The following LRRC58 variants were observed in gnomAD, a reference collection of about 807,000 sequenced individuals.
LRRC58 encodes the protein leucine rich repeat containing 58.
Under a neutral mutation model 30.6 loss-of-function variants are expected in LRRC58, and 18 were observed. The ratio of observed to expected loss-of-function variants is 0.59; its 90% CI spans 0.41 to 0.87. The LOEUF is 0.87. Among genes scored for constraint, LRRC58 ranks in the 40% least tolerant of loss-of-function variants. The pLI, the probability that LRRC58 is intolerant of heterozygous loss-of-function variation, is 0.00. For missense variants in LRRC58, 420 were observed against 468.4 expected (o/e 0.90, Z 0.95); for synonymous variants, 221 against 206.0 (o/e 1.07, Z -0.62).
intron 1 of LRRC58, among the ~76,000 whole-genome samples, chr3:120,340,787 C>G (rs542255177): frequency 1.3e-5 from 2 of 152,126 alleles, no homozygotes; most frequent in African/African-American, 4.8e-5. Context: ...ATCCCAGCTA[C>G]TCAGGAGGCT....
Position 120,349,245 on chromosome 3 carries a change from C to T in LRRC58, c.-2G>A, listed in dbSNP as rs1303720686. 7.3e-6 allele frequency: 10 copies of T among 1,368,792 alleles called. No individual in the cohort carries two copies. The highest frequency in any genetic ancestry group is 8.4e-6 in the Non-Finnish European group (9 of 1,068,466). 84.8% of individuals were successfully genotyped at this position (1,368,792 alleles called of 1,614,324 possible). A position where few individuals can be genotyped will look rare whatever the true frequency, so the allele number is the denominator to read the frequency against. ...CACCGCTGCTCCGGCCTCCTCCATC[C>T]TGGCCACCGCACGGCGCGTGGCGCC... is the stretch of plus-strand genomic sequence containing the variant. On this transcript the variant is annotated 5_prime_UTR_variant, in exon 1 of 4. Coordinates refer to ENST00000295628, the MANE Select transcript of LRRC58 (RefSeq NM_001099678.2).
In LRRC58 at chr3:120,324,884, T is replaced by C. The variant is rs1211467461; in HGVS notation, c.*6316A>G. 6.6e-6 allele frequency: 1 copy of C among 152,194 alleles called. No individual in the cohort carries two copies. The highest frequency in any genetic ancestry group is 1.5e-5 in the Non-Finnish European group (1 of 68,020). 9.4% of individuals were successfully genotyped at this position (152,194 alleles called of 1,614,324 possible). On this transcript the variant is annotated 3_prime_UTR_variant, in exon 4 of 4. Coordinates refer to ENST00000295628, the MANE Select transcript of LRRC58 (RefSeq NM_001099678.2). ...CCATTAAGTTTTACTTATTTATCTA[T>C]AGATGTAGATATTCCTAATTTGCAA...
intron 3 of LRRC58, among the ~76,000 whole-genome samples, chr3:120,332,610 A>T (rs554704897): frequency 6.6e-6 from 1 of 152,366 alleles, no homozygotes; most frequent in Non-Finnish European, 1.5e-5. Context: ...CTTGTGATTT[A>T]TAAGATTTCA....
intron 1 of LRRC58, among the ~76,000 whole-genome samples, chr3:120,337,826 A>G (rs1935854382): frequency 6.6e-6 from 1 of 151,976 alleles, no homozygotes. Flanking sequence ...CTTAATTCAT[A>G]TGAATCATTT....
chr3:120,337,584 A>T (rs913956947), intron 1 of LRRC58, among the ~76,000 whole-genome samples: 4 of 152,080 alleles, frequency 2.6e-5, no homozygotes, highest in African/African-American at 9.7e-5. Context: ...TTCATGTATT[A>T]TATGTACAAA....
At position 120,327,319 on chromosome 3, in the gene LRRC58, T is replaced by C. The variant is rs1278872701; in HGVS notation, c.*3881A>G. ...CAGGCGGGAGTGCAGTGGCGCAATC[T>C]CGGCTCACTGCAAGCTCCGCCTCCC... On this transcript the variant is annotated 3_prime_UTR_variant, in exon 4 of 4. Transcript: ENST00000295628. 7.3e-6 allele frequency: 1 copy of C among 136,400 alleles called. No homozygotes were observed. Among genetic ancestry groups the C allele is most frequent in the East Asian group, 2.3e-4 (1 of 4,426 alleles). The allele number at this position is 136,400 out of a possible 1,614,324, so 8.4% of individuals were successfully genotyped here.
chr3:120,328,101 G>C lies in LRRC58; in HGVS notation c.*3099C>G, dbSNP rs1274675161. ...CTAAATATCAAGAATTTTTGAACAAGAGACACTTCAGCACACATTTAGAAG... is the reference window on the plus strand; with the variant it reads ...CTAAATATCAAGAATTTTTGAACAACAGACACTTCAGCACACATTTAGAAG... On this transcript the variant is annotated 3_prime_UTR_variant, in exon 4 of 4. Coordinates refer to ENST00000295628, the MANE Select transcript of LRRC58 (RefSeq NM_001099678.2). The C allele has an allele frequency of 2.0e-5, 3 of 152,146 alleles. No individual in the cohort carries two copies. The highest frequency in any genetic ancestry group is 2.0e-4 in the Admixed American group (3 of 15,274). 9.4% of individuals were successfully genotyped at this position (152,146 alleles called of 1,614,324 possible).
Position 120,331,416 on chromosome 3 carries a change from G to A in LRRC58, c.908-8C>T. The A allele has an allele frequency of 6.2e-7, 1 of 1,603,186 alleles. No individual in the cohort carries two copies. The highest frequency in any genetic ancestry group is 8.5e-7 in the Non-Finnish European group (1 of 1,170,232). ...AGCAGTCAAAGTAGACTCCTAAAGA[G>A]AAGAAGGAATAGAAAGTAATCATTA... On this transcript the variant is annotated splice_region_variant and splice_polypyrimidine_tract_variant and intron_variant, in intron 3 of 3. Transcript: ENST00000295628.
At chr3:120,336,539 A>T (rs1935836996) in intron 1 of LRRC58, among the ~76,000 whole-genome samples, 2 of 152,200 alleles carry the variant, frequency 1.3e-5, no homozygotes, top group South Asian at 2.1e-4. Flanking sequence ...ACTGACAGGC[A>T]ATGGGAAAAC....
Position 120,348,963 on chromosome 3 carries a change from C to T in LRRC58, c.281G>A (p.Arg94His). The change falls in exon 1 of 4, where the codon CGC becomes CAC. Residue 94 changes from arginine (R) to histidine (H), a missense_variant. Physicochemically the swap from Arg to His is conservative, Grantham distance 29. Transcript: ENST00000295628. Reference sequence around the variant, plus strand: ...CCGGTTGTTCTTGGCCAGCAGCGTGCGCAGGCCGCGCAGAGCGAGCAGCTC... The same window carrying T: ...CCGGTTGTTCTTGGCCAGCAGCGTGTGCAGGCCGCGCAGAGCGAGCAGCTC... The part of the protein sequence containing the change: ...GPELLALRGL[R>H]TLLAKNNRLG... 1 of 1,539,712 alleles carries T rather than the reference C, an allele frequency of 6.5e-7. No homozygotes were observed. The highest frequency in any genetic ancestry group is 8.7e-7 in the Non-Finnish European group (1 of 1,146,076).
Position 120,330,755 on chromosome 3 carries a change from ATATATAGTATATATGG to A in LRRC58, c.*429_*444del, listed in dbSNP as rs1407217606. 10 of 166,722 alleles carry A rather than the reference ATATATAGTATATATGG, an allele frequency of 6.0e-5. No homozygotes were observed. The highest frequency in any genetic ancestry group is 1.5e-4 in the South Asian group (1 of 6,474). 10.3% of individuals were successfully genotyped at this position (166,722 alleles called of 1,614,324 possible). Reference sequence around the variant, plus strand: ...GTTTATGGCATATAATATATATGGTATATATAGTATATATGGTATATAGTATATATGGTATACAGTG... The same window carrying A: ...GTTTATGGCATATAATATATATGGTATATATAGTATATATGGTATACAGTG... On this transcript the variant is annotated 3_prime_UTR_variant, in exon 4 of 4. Coordinates refer to ENST00000295628, the MANE Select transcript of LRRC58 (RefSeq NM_001099678.2).
At chr3:120,341,343 GA>G (rs1454393003) in intron 1 of LRRC58, among the ~76,000 whole-genome samples, 6 of 152,084 alleles carry the variant, frequency 3.9e-5, no homozygotes, top group Admixed American at 3.3e-4. Flanking sequence ...GAAAAAAACT[GA>G]GCAAACCTCA....
intron 1 of LRRC58, among the ~76,000 whole-genome samples, chr3:120,341,314 C>A (rs1935901636): frequency 6.6e-6 from 1 of 151,832 alleles, no homozygotes; most frequent in Admixed American, 6.6e-5. Flanking sequence ...GGGACTATTT[C>A]AATGAGAATA....
rs985784138 is a variant in LRRC58, at chr3:120,326,824, T to C, written c.*4376A>G. 2.0e-5 allele frequency: 3 copies of C among 152,220 alleles called. No individual in the cohort carries two copies. The highest frequency in any genetic ancestry group is 1.5e-5 in the Non-Finnish European group (1 of 68,016). The allele number at this position is 152,220 out of a possible 1,614,324, so 9.4% of individuals were successfully genotyped here. A position where few individuals can be genotyped will look rare whatever the true frequency, so the allele number is the denominator to read the frequency against. ...GGGTCTTATGAAAATTTAGGAATAA[T>C]AACCATTAACTTTTTTTACATAGCT... On this transcript the variant is annotated 3_prime_UTR_variant, in exon 4 of 4. Transcript: ENST00000295628.
chr3:120,336,483 C>T (rs2107623417), intron 1 of LRRC58, among the ~76,000 whole-genome samples: 1 of 152,302 alleles, frequency 6.6e-6, no homozygotes, highest in Middle Eastern at 3.4e-3. Flanking sequence ...GACCAGATTA[C>T]AAGAACCCTG....
At chr3:120,334,470 T>C (rs2107622480) in intron 3 of LRRC58, among the ~76,000 whole-genome samples, 1 of 152,166 alleles carries the variant, frequency 6.6e-6, no homozygotes, top group African/African-American at 2.4e-5. Flanking sequence ...ATCGCGCCAC[T>C]GCACTCCAGC....
chr3:120,335,085 A>C lies in LRRC58; in HGVS notation c.684T>G (p.Pro228=), dbSNP rs752837749. ...SLHNNLLTYL[P]REILNLIHLE... Reference sequence around the variant, plus strand: ...AATGAATAAGGTTGAGGATCTCTCGAGGCAGATATGTCAGCAAGTTATTGT... The same window carrying C: ...AATGAATAAGGTTGAGGATCTCTCGCGGCAGATATGTCAGCAAGTTATTGT... The change falls in exon 3 of 4, where the codon CCT becomes CCG. Residue 228 remains proline (P), a synonymous_variant. Transcript: ENST00000295628. 1 of 1,613,868 alleles carries C rather than the reference A, an allele frequency of 6.2e-7. No individual in the cohort carries two copies. The highest frequency in any genetic ancestry group is 8.5e-7 in the Non-Finnish European group (1 of 1,179,866).
chr3:120,343,464 A>C (rs1478285711), intron 1 of LRRC58, among the ~76,000 whole-genome samples: 1 of 152,212 alleles, frequency 6.6e-6, no homozygotes, highest in African/African-American at 2.4e-5. Flanking sequence ...GAACAATTCT[A>C]TTCTTTCAGT....
Position 120,325,207 on chromosome 3 carries a change from T to C in LRRC58, c.*5993A>G, listed in dbSNP as rs1014621016. 2 of 152,252 alleles carry C rather than the reference T, an allele frequency of 1.3e-5. No homozygotes were observed. The highest frequency in any genetic ancestry group is 4.8e-5 in the African/African-American group (2 of 41,470). 9.4% of individuals were successfully genotyped at this position (152,252 alleles called of 1,614,324 possible). On this transcript the variant is annotated 3_prime_UTR_variant, in exon 4 of 4. Transcript: ENST00000295628. The stretch of plus-strand genomic sequence containing the variant: ...CAACAATGTTAACAATTTAAGTTAG[T>C]GAAAGGATTCTCTTAAACATAAGCG...
Sources: allele counts gnomAD v4.1 joint callset (sites outside exome capture counted in the v4.1 genomes callset), GRCh38; gene constraint gnomAD v4.1.1; transcripts MANE v1.5; gene names NCBI Gene and HGNC (gene_info 2026-07-23, HGNC 2026-07-21).